Variants in DLL1 observed in about 807,000 individuals in gnomAD.
DLL1 encodes delta-like protein 1.
A neutral mutation model predicts 75.1 loss-of-function variants in DLL1; 9 were observed. The observed-to-expected ratio is 0.12, with a 90% CI of 0.07 to 0.21. The LOEUF is 0.21. DLL1 is among the 10% of genes least tolerant of loss of function. The pLI is 1.00. For missense variants in DLL1, 837 were observed against 1,007.6 expected (o/e 0.83, Z 2.29); for synonymous variants, 477 against 418.3 (o/e 1.14, Z -1.71).
Position 170,290,506 on chromosome 6 carries a change from G to T in DLL1, c.-367C>A. The T allele has an allele frequency of 3.6e-6, 1 of 276,270 alleles. No individual in the cohort carries two copies. Among genetic ancestry groups the T allele is most frequent in the Non-Finnish European group, 6.7e-6 (1 of 149,590 alleles). 17.1% of individuals were successfully genotyped at this position (276,270 alleles called of 1,614,324 possible). A position where few individuals can be genotyped will look rare whatever the true frequency, so the allele number is the denominator to read the frequency against. ...AGCTTCTTCGCAGGAGAGGGAGGGGGAGAAAGAGAAAGAGAGAGAGTCCAG... is the reference window on the plus strand; with the variant it reads ...AGCTTCTTCGCAGGAGAGGGAGGGGTAGAAAGAGAAAGAGAGAGAGTCCAG... On this transcript the variant is annotated 5_prime_UTR_variant, in exon 1 of 11. Coordinates refer to ENST00000366756, the MANE Select transcript of DLL1 (RefSeq NM_005618.4). This position sits in a 1 kb window ranked among gnomAD's most constrained non-coding sequence, Gnocchi z 4.7.
chr6:170,283,549 C>G lies in DLL1; in HGVS notation c.1730G>C (p.Arg577Pro). The G allele has an allele frequency of 6.2e-7, 1 of 1,613,676 alleles. No homozygotes were observed. Among genetic ancestry groups the G allele is most frequent in the African/African-American group, 1.3e-5 (1 of 75,066 alleles). ...CCCCCGGCAGGGGTCGGCTGGGGGC[C>G]GGTGCTTCTGCAGCCTCAGCCGGAC... ...VCVRLRLQKH[R>P]PPADPCRGET... The change falls in exon 9 of 11, where the codon CGG (arginine) becomes CCG (proline). Residue 577 changes from arginine (R) to proline (P), a missense_variant. By Grantham distance (103) the Arg-to-Pro change is moderately radical (BLOSUM62 -2). This residue lies in a region of DLL1 where 533 missense variants were observed against 545.7 expected (regional missense o/e 0.98). Coordinates refer to ENST00000366756, the MANE Select transcript of DLL1 (RefSeq NM_005618.4).
At chr6:170,284,777 T>TA (rs1290730185) in intron 8 of DLL1, 142 bp downstream of exon 8, 31 of 890,654 alleles carry the variant, frequency 3.5e-5, no homozygotes, top group Non-Finnish European at 5.5e-5. Flanking sequence ...GACTCAAAGA[T>TA]AGAGTTTCCA....
chr6:170,290,283 C>A lies in DLL1; in HGVS notation c.-144G>T. ...CCCCAGACCGCAGGACCCAGGACTT[C>A]TTTCTTTAAAAGCCGGTCTCCGCCT... On this transcript the variant is annotated 5_prime_UTR_variant, in exon 1 of 11. Transcript: ENST00000366756. The surrounding 1 kb of genome is among the most constrained non-coding windows in gnomAD (Gnocchi z 4.7). The A allele has an allele frequency of 1.1e-6, 1 of 872,338 alleles. No individual in the cohort carries two copies. The highest frequency in any genetic ancestry group is 1.8e-5 in the African/African-American group (1 of 56,720). The allele number at this position is 872,338 out of a possible 1,614,324, so 54.0% of individuals were successfully genotyped here.
rs775681925 is a variant in DLL1, at chr6:170,290,061, G to A, written c.54+25C>T. On this transcript the variant is annotated intron_variant, in intron 1 of 10. Coordinates refer to ENST00000366756, the MANE Select transcript of DLL1 (RefSeq NM_005618.4). This position sits in a 1 kb window ranked among gnomAD's most constrained non-coding sequence, Gnocchi z 4.7. The stretch of plus-strand genomic sequence containing the variant: ...GCTACCCGTGAGACCCCGCGGGGCC[G>A]CGGCGCCCCCACCTGCCCGCCTACC... 1 of 1,568,630 alleles carries A rather than the reference G, an allele frequency of 6.4e-7. No individual in the cohort carries two copies. The highest frequency in any genetic ancestry group is 1.1e-5 in the South Asian group (1 of 87,920).
chr6:170,288,707 G>A lies in DLL1; in HGVS notation c.412+22C>T, dbSNP rs750480008. On this transcript the variant is annotated intron_variant, in intron 3 of 10. Transcript: ENST00000366756. Reference sequence around the variant, plus strand: ...GCTATTAACTGGGGAAAGCAGTTTTGGGGTTTGGGTTTTGTTTTTACCTGT... The same window carrying A: ...GCTATTAACTGGGGAAAGCAGTTTTAGGGTTTGGGTTTTGTTTTTACCTGT... The A allele has an allele frequency of 1.2e-5, 19 of 1,614,086 alleles. No homozygotes were observed. In the Admixed American group the frequency reaches 3.0e-4, roughly 25 times the overall value.
At position 170,286,306 on chromosome 6, in the gene DLL1, C is replaced by T; in HGVS notation, c.671-8G>A. ...ATCCAGGCAGGCAGATCGCTACAAG[C>T]AAAGGAAAAACAGGGTCAAGCCCCA... On this transcript the variant is annotated splice_region_variant and splice_polypyrimidine_tract_variant and intron_variant, in intron 4 of 10. Coordinates refer to ENST00000366756, the MANE Select transcript of DLL1 (RefSeq NM_005618.4). 6.2e-7 allele frequency: 1 copy of T among 1,614,184 alleles called. No homozygotes were observed. The highest frequency in any genetic ancestry group is 8.5e-7 in the Non-Finnish European group (1 of 1,180,046).
At chr6:170,287,024 CCCGCAGGGCAGGGAGTAG>C (rs1443286829) in intron 4 of DLL1, among the ~76,000 whole-genome samples, 1 of 152,198 alleles carries the variant, frequency 6.6e-6, no homozygotes, top group Non-Finnish European at 1.5e-5. Context: ...GCCAGAGGCT[CCCGCAGGGCAGGGAGTAG>C]ACAGTGGGCT....
chr6:170,288,025 A>T lies in DLL1; in HGVS notation c.670+214T>A, dbSNP rs1783743258. Reference sequence around the variant, plus strand: ...AGAAAGGCAGTTCCGATAGTGGATAAACACAGCCTGGGATGTTAAAATGTC... The same window carrying T: ...AGAAAGGCAGTTCCGATAGTGGATATACACAGCCTGGGATGTTAAAATGTC... On this transcript the variant is annotated intron_variant, in intron 4 of 10. Transcript: ENST00000366756. 3 of 696,506 alleles carry T rather than the reference A, an allele frequency of 4.3e-6. No homozygotes were observed. The African/African-American group carries it at 5.4e-5, about 12-fold the overall frequency. 43.1% of individuals were successfully genotyped at this position (696,506 alleles called of 1,614,324 possible).
In DLL1 at chr6:170,288,760, G is replaced by C; in HGVS notation, c.381C>G (p.Leu127=). The C allele has an allele frequency of 6.2e-7, 1 of 1,614,208 alleles. No homozygotes were observed. The highest frequency in any genetic ancestry group is 8.5e-7 in the Non-Finnish European group (1 of 1,180,046). ...PGTFSLIIEA[L]HTDSPDDLAT... ...CGAGGTCATCAGGAGAATCTGTGTG[G>C]AGAGCTTCAATAATCAGAGAGAAGG... The change falls in exon 3 of 11, where the codon CTC becomes CTG. Residue 127 remains leucine (L), a synonymous_variant. Transcript: ENST00000366756.
chr6:170,285,485 C>G (rs1783678267), intron 6 of DLL1, 62 bp from the exon 7 acceptor site: 1 of 1,614,016 alleles, frequency 6.2e-7, no homozygotes. Flanking sequence ...TGCAGGAAGA[C>G]TTTATTTTTC....
At position 170,285,371 on chromosome 6, in the gene DLL1, G is replaced by A; in HGVS notation, c.915C>T (p.Thr305=). The part of the protein sequence containing the change: ...HKPCKNGATC[T]NTGQGSYTCS... ...AAGTGTAGCTCCCCTGGCCCGTGTT[G>A]GTGCAGGTGGCTCCATTCTTGCAGG... Residue 305 remains threonine (T), a synonymous_variant, in exon 7 of 11, where the codon ACC becomes ACT. Transcript: ENST00000366756. 3.1e-6 allele frequency: 5 copies of A among 1,614,228 alleles called. No individual in the cohort carries two copies. The highest frequency in any genetic ancestry group is 4.2e-6 in the Non-Finnish European group (5 of 1,180,044).
chr6:170,283,234 C>G lies in DLL1; in HGVS notation c.2045G>C (p.Arg682Thr), dbSNP rs1249992720. ...ATGCCCGGCCCGCAGCACGCACCCC[C>G]TGAGTGTGGTCGGGGTCCCCTTCTC... ...GEEKGTPTTL[R>T]GGEASERKRP... is the part of the protein sequence containing the mutation. The change falls in exon 9 of 11, where the codon AGG becomes ACG. Residue 682 changes from arginine to threonine, a missense_variant. Around this residue, in one of 2 missense-constraint regions of DLL1, gnomAD observed 533 missense variants for 545.7 expected, o/e 0.98. Coordinates refer to ENST00000366756, the MANE Select transcript of DLL1 (RefSeq NM_005618.4). 3 of 1,612,780 alleles carry G rather than the reference C, an allele frequency of 1.9e-6. No homozygotes were observed. Among genetic ancestry groups the G allele is most frequent in the Non-Finnish European group, 1.7e-6 (2 of 1,179,850 alleles).
chr6:170,282,817 T>C lies in DLL1; in HGVS notation c.*57A>G, dbSNP rs1761164714. 1 of 1,613,204 alleles carries C rather than the reference T, an allele frequency of 6.2e-7. No homozygotes were observed. Among genetic ancestry groups the C allele is most frequent in the Non-Finnish European group, 8.5e-7 (1 of 1,179,864 alleles). On this transcript the variant is annotated 3_prime_UTR_variant, in exon 11 of 11. Coordinates refer to ENST00000366756, the MANE Select transcript of DLL1 (RefSeq NM_005618.4). ...TCAGCAGCATTCGTTGGGGCATATATCCTTGGAATTTTACTTATTTTAAGA... is the reference window on the plus strand; with the variant it reads ...TCAGCAGCATTCGTTGGGGCATATACCCTTGGAATTTTACTTATTTTAAGA...
Position 170,289,647 on chromosome 6 carries a change from G to C in DLL1, c.216C>G (p.Ser72=). ...TGCCGTAGGTGCAGGGCGGCTCGGG[G>C]GACACGCTGGCCTGGTAGTGCTTGA... ...VCLKHYQASV[S]PEPPCTYGSA... The change falls in exon 2 of 11, where the codon TCC becomes TCG. Residue 72 remains serine, a synonymous_variant. Coordinates refer to ENST00000366756, the MANE Select transcript of DLL1 (RefSeq NM_005618.4). 4 of 1,539,876 alleles carry C rather than the reference G, an allele frequency of 2.6e-6. No homozygotes were observed. Among genetic ancestry groups the C allele is most frequent in the Non-Finnish European group, 3.5e-6 (4 of 1,146,374 alleles).
At position 170,282,765 on chromosome 6, in the gene DLL1, C is replaced by G. The variant is rs1442445479; in HGVS notation, c.*109G>C. On this transcript the variant is annotated 3_prime_UTR_variant, in exon 11 of 11. Coordinates refer to ENST00000366756, the MANE Select transcript of DLL1 (RefSeq NM_005618.4). The stretch of plus-strand genomic sequence containing the variant: ...GCTCGGTCTGAACTCGGTTTCTCAG[C>G]AGCAGTCCACGAGGCCTCCCTCCTC... 6.4e-7 allele frequency: 1 copy of G among 1,574,652 alleles called. No individual in the cohort carries two copies. The highest frequency in any genetic ancestry group is 1.7e-5 in the Admixed American group (1 of 59,970).
intron 4 of DLL1, 98 bp from the exon 5 acceptor site, chr6:170,286,396 A>G: frequency 7.0e-7 from 1 of 1,424,292 alleles, no homozygotes. Flanking sequence ...GGCTTCAGTC[A>G]GCAAATCCCA....
At chr6:170,284,078 AC>A in intron 8 of DLL1, 49 bp from the exon 9 acceptor site, 1 of 1,535,066 alleles carries the variant, frequency 6.5e-7, no homozygotes, top group Non-Finnish European at 8.7e-7. Context: ...AGGTTTGTTC[AC>A]CAAAAAGTCA....
At position 170,290,737 on chromosome 6, in the gene DLL1, C is replaced by G; in HGVS notation, c.-598G>C. 2 of 424,462 alleles carry G rather than the reference C, an allele frequency of 4.7e-6. No homozygotes were observed. Among genetic ancestry groups the G allele is most frequent in the South Asian group, 2.3e-5 (1 of 43,126 alleles). The allele number at this position is 424,462 out of a possible 1,614,324, so 26.3% of individuals were successfully genotyped here. The stretch of plus-strand genomic sequence containing the variant: ...CGGCGGCGGTCGTTCCGGGAGCACT[C>G]CGGGCTCCGATCTCCGGTGTCACAG... On this transcript the variant is annotated 5_prime_UTR_variant, in exon 1 of 11. Transcript: ENST00000366756. The surrounding 1 kb of genome is among the most constrained non-coding windows in gnomAD (Gnocchi z 4.7).
Position 170,290,817 on chromosome 6 carries a change from C to A in DLL1, c.-678G>T. 1.6e-6 allele frequency: 1 copy of A among 609,162 alleles called. No individual in the cohort carries two copies. The highest frequency in any genetic ancestry group is 2.9e-6 in the Non-Finnish European group (1 of 342,182). 37.7% of individuals were successfully genotyped at this position (609,162 alleles called of 1,614,324 possible). A position where few individuals can be genotyped will look rare whatever the true frequency, so the allele number is the denominator to read the frequency against. Reference sequence around the variant, plus strand: ...GCCAATGCCATCCAGTACACACGCGCAGGACCGGAGGGGCCGGGCCGTGGG... The same window carrying A: ...GCCAATGCCATCCAGTACACACGCGAAGGACCGGAGGGGCCGGGCCGTGGG... On this transcript the variant is annotated 5_prime_UTR_variant, in exon 1 of 11. Transcript: ENST00000366756. This position sits in a 1 kb window ranked among gnomAD's most constrained non-coding sequence, Gnocchi z 4.7.
Sources: gnomAD v4.1 joint callset for allele counts (sites outside exome capture counted in the v4.1 genomes callset) on GRCh38, gnomAD v4.1.1 for gene constraint, gnomAD v4.1.1 regional missense constraint, Gnocchi (gnomAD v3.1) non-coding constraint, MANE v1.5 for transcripts, NCBI Gene and HGNC (gene_info 2026-07-23, HGNC 2026-07-21) for gene names.